The following ZRANB1 variants were observed in gnomAD, a reference collection of about 807,000 sequenced individuals.
ZRANB1 encodes the protein zinc finger RANBP2-type containing 1, also known as ubiquitin thioesterase ZRANB1.
ZRANB1 carries 16 observed loss-of-function variants against 80.5 expected under a neutral mutation model. The ratio of observed to expected loss-of-function variants is 0.20; its 90% CI spans 0.13 to 0.30. The LOEUF (loss-of-function observed/expected upper bound fraction) is 0.30. Ranked by LOEUF, ZRANB1 falls within the 10% of genes least tolerant of loss-of-function variation. The probability of loss-of-function intolerance (pLI) is 1.00; values close to 1 mark genes in which losing one functional copy is unlikely to be tolerated. For missense variants in ZRANB1, 576 were observed against 862.6 expected, an observed-to-expected ratio of 0.67 and a Z score of 4.16; for synonymous variants, 291 against 293.1, an observed-to-expected ratio of 0.99 and a Z score of 0.07.
the ZRANB1 span, among the ~76,000 whole-genome samples, chr10:124,919,801 C>T: frequency 2.7e-5 from 4 of 149,484 alleles, no homozygotes; most frequent in African/African-American, 9.9e-5. Flanking sequence ...TTAGTGGAGA[C>T]GGAGTTTCAC....
the ZRANB1 span, among the ~76,000 whole-genome samples, chr10:124,918,330 A>G: frequency 1.5e-4 from 23 of 152,254 alleles, no homozygotes; most frequent in East Asian, 1.4e-3. Flanking sequence ...AGTTGGGACT[A>G]CAGGCATGCG....
the ZRANB1 span, among the ~76,000 whole-genome samples, chr10:124,919,917 C>G: frequency 2.5e-5 from 3 of 122,236 alleles, no homozygotes; most frequent in African/African-American, 3.4e-5. Context: ...GGCCCCCCCC[C>G]CCCCTTTTTT....
At position 124,982,694 on chromosome 10, in the gene ZRANB1, C is replaced by T. The variant is rs115899434; in HGVS notation, c.1549-481C>T. Reference sequence around the variant, plus strand: ...TGGTTGATTTACATGAGACATGTATCTCACACCATGCATTGTAGCTCGATG... The same window carrying T: ...TGGTTGATTTACATGAGACATGTATTTCACACCATGCATTGTAGCTCGATG... On this transcript the variant is annotated intron_variant, in intron 6 of 8. Transcript: ENST00000359653. Among the ~76,000 whole-genome samples, 1,089 of 152,270 alleles carry T rather than the reference C, an allele frequency of 7.2e-3. 17 individuals are homozygous for T. Among genetic ancestry groups the T allele is most frequent in the African/African-American group, 0.025 (1,032 of 41,548 alleles).
the ZRANB1 span, among the ~76,000 whole-genome samples, chr10:124,933,294 G>A: frequency 1.7e-4 from 26 of 151,696 alleles, no homozygotes; most frequent in African/African-American, 5.6e-4. Context: ...GCGCCACCAT[G>A]CCCAGCTAAT....
At chr10:124,977,305 A>G (rs996624111) in intron 5 of ZRANB1, among the ~76,000 whole-genome samples, 1 of 150,412 alleles carries the variant, frequency 6.6e-6, no homozygotes, top group African/African-American at 2.4e-5. Context: ...TTTTTTAAAA[A>G]GACATTTGTG....
chr10:124,942,019 G>A, upstream of ZRANB1: 1 of 343,888 alleles, frequency 2.9e-6, no homozygotes, highest in Non-Finnish European at 4.2e-6. Flanking sequence ...ATCATAATCT[G>A]TGTTCATAAT....
chr10:124,943,455 T>C, intron 1 of ZRANB1, 148 bp downstream of exon 1: 2 of 720,848 alleles, frequency 2.8e-6, no homozygotes. Flanking sequence ...CCATGATCGG[T>C]CTGTGAATAG....
At chr10:124,979,791 A>G (rs1187159128) in intron 5 of ZRANB1, among the ~76,000 whole-genome samples, 2 of 152,126 alleles carry the variant, frequency 1.3e-5, no homozygotes, top group East Asian at 1.9e-4. Context: ...TCTACATTCT[A>G]TTGCCTTGGC....
At chr10:124,973,843 G>A in intron 4 of ZRANB1, 127 bp downstream of exon 4, 1 of 825,348 alleles carries the variant, frequency 1.2e-6, no homozygotes, top group Non-Finnish European at 1.9e-6. Flanking sequence ...AAGACGTAAA[G>A]TCCTGAAGTT....
chr10:124,967,897 T>C (rs183685567), intron 2 of ZRANB1, among the ~76,000 whole-genome samples: 155 of 152,160 alleles, frequency 1.0e-3, no homozygotes, highest in Admixed American at 2.6e-3. Flanking sequence ...CAGGTTTTTT[T>C]TTTCTTTCTT....
At chr10:124,973,516 G>A in intron 3 of ZRANB1, 129 bp from the exon 4 acceptor site, 1 of 769,438 alleles carries the variant, frequency 1.3e-6, no homozygotes, top group South Asian at 1.8e-5. Context: ...AAAGCTATCT[G>A]ATAACCTTCA....
At chr10:124,922,601 TC>T in the ZRANB1 span, among the ~76,000 whole-genome samples, 1 of 151,564 alleles carries the variant, frequency 6.6e-6, no homozygotes, top group Non-Finnish European at 1.5e-5. Flanking sequence ...GAAGTGATTC[TC>T]CTGCCTCAGC....
rs1564954445 is a variant in ZRANB1, at chr10:124,942,457, CT to C, written c.-35del. ...ATAACCATGTCCTAATTATTTATAG[CT>C]TCCTGCCTGACACAGCTCACTTCAA... On this transcript the variant is annotated 5_prime_UTR_variant, in exon 1 of 9. Coordinates refer to ENST00000359653, the MANE Select transcript of ZRANB1 (RefSeq NM_017580.3). 6.2e-7 allele frequency: 1 copy of C among 1,612,016 alleles called. No individual in the cohort carries two copies. Among genetic ancestry groups the C allele is most frequent in the South Asian group, 1.1e-5 (1 of 91,006 alleles).
At chr10:124,944,484 T>TCCCCCCCC (rs56891265) in intron 1 of ZRANB1, among the ~76,000 whole-genome samples, 1 of 60,860 alleles carries the variant, frequency 1.6e-5, no homozygotes, top group Non-Finnish European at 3.2e-5. Flanking sequence ...TATATATCAT[T>TCCCCCCCC]CCCCCCCCCC....
intron 4 of ZRANB1, 101 bp from the exon 5 acceptor site, chr10:124,974,099 A>T: frequency 8.4e-7 from 1 of 1,192,568 alleles, no homozygotes; most frequent in Non-Finnish European, 1.2e-6. Context: ...GGTAAATTAC[A>T]TATAAACCAT....
the ZRANB1 span, among the ~76,000 whole-genome samples, chr10:124,924,686 C>A: frequency 6.6e-6 from 1 of 152,100 alleles, no homozygotes; most frequent in Non-Finnish European, 1.5e-5. Context: ...ATTGTATAAA[C>A]AGCATTTTGT....
chr10:124,985,014 A>C lies in ZRANB1; in HGVS notation c.*22A>C. 1 of 1,560,252 alleles carries C rather than the reference A, an allele frequency of 6.4e-7. No homozygotes were observed. Among genetic ancestry groups the C allele is most frequent in the Non-Finnish European group, 8.8e-7 (1 of 1,142,314 alleles). ...ATGAAAAAAAAAATCAAACAGCAGA[A>C]GACCAAGGCATCAGATCTGTAATGA... On this transcript the variant is annotated 3_prime_UTR_variant, in exon 9 of 9. Coordinates refer to ENST00000359653, the MANE Select transcript of ZRANB1 (RefSeq NM_017580.3).
At chr10:124,967,891 T>G (rs919532837) in intron 2 of ZRANB1, among the ~76,000 whole-genome samples, 6 of 116,958 alleles carry the variant, frequency 5.1e-5, no homozygotes, top group Non-Finnish European at 9.3e-5. Flanking sequence ...ATTATCCAGG[T>G]TTTTTTTTTC....
chr10:124,980,999 A>G (rs986633245), intron 5 of ZRANB1, among the ~76,000 whole-genome samples: 31 of 152,356 alleles, frequency 2.0e-4, no homozygotes, highest in African/African-American at 7.5e-4. Flanking sequence ...TATAGAAGAT[A>G]AATGTGATGT....
Sources: allele counts gnomAD v4.1 joint callset (sites outside exome capture counted in the v4.1 genomes callset), GRCh38; gene constraint gnomAD v4.1.1; transcripts MANE v1.5; gene names NCBI Gene and HGNC (gene_info 2026-07-23, HGNC 2026-07-21).